Variants in TRIM2 observed in about 807,000 individuals in gnomAD.
TRIM2 encodes the protein tripartite motif-containing protein 2.
In TRIM2, 20 loss-of-function variants were observed where a neutral mutation model predicts 75.2. The observed-to-expected ratio is 0.27, with a 90% CI of 0.19 to 0.39. The LOEUF is 0.39. TRIM2 is among the 10% of genes least tolerant of loss of function. The probability of loss-of-function intolerance (pLI) is 1.00; values close to 1 mark genes in which losing one functional copy is unlikely to be tolerated. For missense variants in TRIM2, 660 were observed against 990.8 expected (o/e 0.67, Z 4.48); for synonymous variants, 373 against 388.3 (o/e 0.96, Z 0.46).
In TRIM2 at chr4:153,307,896, C is replaced by T. The variant is rs150732514; in HGVS notation, c.1511-7589C>T. On this transcript the variant is annotated intron_variant, in intron 6 of 11. Transcript: ENST00000338700. ...CACTTCATTGTGGGAGACCATGATT[C>T]TGATCAGGACCTTATCTTGAGTCCC... 5,467 of 748,796 alleles carry T rather than the reference C, an allele frequency of 7.3e-3. 44 individuals carry two copies. Among genetic ancestry groups the T allele is most frequent in the Non-Finnish European group, 7.5e-3 (3,003 of 398,994 alleles). 46.4% of individuals were successfully genotyped at this position (748,796 alleles called of 1,614,324 possible).
At chr4:153,288,364 G>A (rs977227748) in intron 3 of TRIM2, among the ~76,000 whole-genome samples, 1 of 152,088 alleles carries the variant, frequency 6.6e-6, no homozygotes, top group African/African-American at 2.4e-5. Context: ...TTGAACTTGG[G>A]AGCCAGAGGT....
At position 153,338,998 on chromosome 4, in the gene TRIM2, A is replaced by G. The variant is rs1232896981; in HGVS notation, c.*4032A>G. The G allele has an allele frequency of 1.0e-6, 1 of 982,302 alleles. No homozygotes were observed. Among genetic ancestry groups the G allele is most frequent in the African/African-American group, 1.8e-5 (1 of 56,000 alleles). 60.8% of individuals were successfully genotyped at this position (982,302 alleles called of 1,614,324 possible). ...TTTCTTTTTAGATTTTGTACATTCC[A>G]TCTTTATAGGTCTGTTTCATATGTT... On this transcript the variant is annotated 3_prime_UTR_variant, in exon 12 of 12. Coordinates refer to ENST00000338700, the MANE Select transcript of TRIM2 (RefSeq NM_015271.5).
chr4:153,221,763 T>TAAAGAAGGAAGGAAAGCGC (rs1740101908), intron 1 of TRIM2, among the ~76,000 whole-genome samples: 1 of 76,264 alleles, frequency 1.3e-5, no homozygotes, highest in African/African-American at 4.5e-5. Flanking sequence ...AGGGAGGAAA[T>TAAAGAAGGAAGGAAAGCGC]AAGGAAGGAA....
intron 10 of TRIM2, among the ~76,000 whole-genome samples, chr4:153,325,848 T>C (rs1770052304): frequency 1.3e-5 from 2 of 152,212 alleles, no homozygotes; most frequent in Non-Finnish European, 2.9e-5. Flanking sequence ...CAACTGGCAT[T>C]GGTATGTGGG....
rs571944439 is a variant in TRIM2 at position 153,227,074 on chromosome 4, C to T, written c.30+22514C>T. Among the ~76,000 whole-genome samples, 10 of 152,336 alleles carry T rather than the reference C, an allele frequency of 6.6e-5. 1 individual carries two copies. The highest frequency in any genetic ancestry group is 2.2e-4 in the African/African-American group (9 of 41,570). On this transcript the variant is annotated intron_variant, in intron 1 of 11. Transcript: ENST00000338700. ...CTCCTGTTCTCTGAGCTCCTCAAGT[C>T]TTTCCTCAGTGAGGAAATCAGCTCT...
At chr4:153,327,495 T>G (rs1360146880) in intron 10 of TRIM2, among the ~76,000 whole-genome samples, 1 of 152,252 alleles carries the variant, frequency 6.6e-6, no homozygotes, top group Non-Finnish European at 1.5e-5. Flanking sequence ...AAGTGCCTTT[T>G]ACATAATACT....
rs1762613561 is a variant in TRIM2, at chr4:153,295,624, C to T, written c.1098C>T (p.Ile366=). 1.2e-6 allele frequency: 2 copies of T among 1,614,030 alleles called. No homozygotes were observed. Among genetic ancestry groups the T allele is most frequent in the Admixed American group, 1.7e-5 (1 of 60,024 alleles). Residue 366 remains isoleucine (I), a synonymous_variant, in exon 6 of 12, where the codon ATC becomes ATT. Coordinates refer to ENST00000338700, the MANE Select transcript of TRIM2 (RefSeq NM_015271.5). This position sits in a 1 kb window ranked among gnomAD's most constrained non-coding sequence, Gnocchi z 7.2. ...VATGEGLRQT[I]IGQPMSVTIT... is the part of the protein sequence containing the mutation. ...CGGGCGAGGGGCTGCGGCAGACCAT[C>T]ATCGGGCAGCCCATGTCCGTCACCA...
chr4:153,161,973 G>A (rs1381587512), intron 1 of TRIM2, among the ~76,000 whole-genome samples: 2 of 152,176 alleles, frequency 1.3e-5, no homozygotes, highest in Non-Finnish European at 2.9e-5. Flanking sequence ...ATAAACCTCC[G>A]AAATGAAATT....
At chr4:153,322,910 AGT>A (rs1029388983) in intron 9 of TRIM2, 94 bp downstream of exon 9, 2 of 1,485,772 alleles carry the variant, frequency 1.3e-6, no homozygotes, top group Admixed American at 3.8e-5. Flanking sequence ...CCGCATCCCT[AGT>A]GTGTTTGCTG....
In TRIM2 at chr4:153,244,389, T is replaced by C. The variant is rs1008803323; in HGVS notation, c.31-25946T>C. 3.9e-4 allele frequency among the ~76,000 whole-genome samples: 31 copies of C among 78,810 alleles called. 5 individuals are homozygous for C. Among genetic ancestry groups the C allele is most frequent in the African/African-American group, 2.5e-3 (29 of 11,448 alleles). The allele number at this position is 78,810 out of a possible 152,430, so 51.7% of individuals were successfully genotyped here. On this transcript the variant is annotated intron_variant, in intron 1 of 11. Transcript: ENST00000338700. ...TTCTTCTTCTTCTTCTTCTTCTTCT[T>C]CTTCTTCTTCTTCTTCTTCTTCTTC...
chr4:153,166,945 C>A (rs1413735952), intron 1 of TRIM2, among the ~76,000 whole-genome samples: 3 of 152,190 alleles, frequency 2.0e-5, no homozygotes, highest in Non-Finnish European at 4.4e-5. Flanking sequence ...TTAAATTTCT[C>A]CTCTTGAATA....
intron 1 of TRIM2, among the ~76,000 whole-genome samples, chr4:153,165,365 C>T (rs1044495430): frequency 6.6e-6 from 1 of 152,194 alleles, no homozygotes. Context: ...GGGTCTCACT[C>T]TGTTGCCCAG....
At chr4:153,208,766 T>C (rs965652143) in intron 1 of TRIM2, among the ~76,000 whole-genome samples, 2 of 152,206 alleles carry the variant, frequency 1.3e-5, no homozygotes, top group African/African-American at 4.8e-5. Flanking sequence ...GGTCGTTCCT[T>C]TTCCCTCCCA....
chr4:153,331,008 GAATAT>G (rs765882556), intron 11 of TRIM2, among the ~76,000 whole-genome samples: 2 of 152,140 alleles, frequency 1.3e-5, no homozygotes, highest in Non-Finnish European at 2.9e-5. Flanking sequence ...CAAGATTGCA[GAATAT>G]AAGATCAACA....
intron 4 of TRIM2, among the ~76,000 whole-genome samples, chr4:153,293,708 G>A (rs187873084): frequency 6.6e-6 from 1 of 152,240 alleles, no homozygotes; most frequent in Non-Finnish European, 1.5e-5. Flanking sequence ...TCCACTGATA[G>A]CTGTAGTGAG....
rs1560874033 is a variant in TRIM2, at chr4:153,244,337, TTCTTCTTCTTCTTCTTCC to T, written c.31-25980_31-25963del. On this transcript the variant is annotated intron_variant, in intron 1 of 11. Transcript: ENST00000338700. ...CCTCCTCCTCTTCTTCTTCTTCTTCTTCTTCTTCTTCTTCTTCCTCTTCTTCTTCTTCTTCTTCTTCTT... is the reference window on the plus strand; with the variant it reads ...CCTCCTCCTCTTCTTCTTCTTCTTCTTCTTCTTCTTCTTCTTCTTCTTCTT... 7.2e-3 allele frequency among the ~76,000 whole-genome samples: 206 copies of T among 28,564 alleles called. 11 individuals are homozygous for T. The highest frequency in any genetic ancestry group is 0.012 in the African/African-American group (41 of 3,366). The allele number at this position is 28,564 out of a possible 152,430, so 18.7% of individuals were successfully genotyped here.
intron 1 of TRIM2, among the ~76,000 whole-genome samples, chr4:153,238,822 G>A (rs181669512): frequency 2.6e-5 from 4 of 152,312 alleles, no homozygotes; most frequent in East Asian, 1.9e-4. Flanking sequence ...ACTGCAAGAG[G>A]CCAGGAGATG....
chr4:153,313,178 A>G (rs1766738001), intron 6 of TRIM2, among the ~76,000 whole-genome samples: 1 of 152,126 alleles, frequency 6.6e-6, no homozygotes, highest in Non-Finnish European at 1.5e-5. Flanking sequence ...ACAACTCGCC[A>G]TTTCACGAGT....
intron 1 of TRIM2, among the ~76,000 whole-genome samples, chr4:153,256,621 T>G (rs753486181): frequency 1.3e-5 from 2 of 152,236 alleles, no homozygotes; most frequent in Non-Finnish European, 2.9e-5. Context: ...ATTTTTACAT[T>G]ATTTATACCT....
Sources: allele counts gnomAD v4.1 joint callset (sites outside exome capture counted in the v4.1 genomes callset), GRCh38; gene constraint gnomAD v4.1.1; non-coding constraint Gnocchi (gnomAD v3.1); transcripts MANE v1.5; gene names NCBI Gene and HGNC (gene_info 2026-07-23, HGNC 2026-07-21).